Variants in CKAP5 observed in about 807,000 individuals in gnomAD.
CKAP5 encodes cytoskeleton-associated protein 5.
In CKAP5, 27 loss-of-function variants were observed where a neutral mutation model predicts 232.8. The observed-to-expected ratio is 0.12, with a 90% confidence interval of 0.09 to 0.16. CKAP5 has a LOEUF of 0.16. CKAP5 is among the 10% of genes least tolerant of loss of function. The probability of loss-of-function intolerance (pLI) is 1.00; values close to 1 mark genes in which losing one functional copy is unlikely to be tolerated. For missense variants in CKAP5, 1,838 were observed against 2,424.7 expected (o/e 0.76, Z 5.08); for synonymous variants, 785 against 841.1 (o/e 0.93, Z 1.16).
At chr11:46,832,670 C>T (rs1418283032) in intron 1 of CKAP5, among the ~76,000 whole-genome samples, 1 of 152,198 alleles carries the variant, frequency 6.6e-6, no homozygotes, top group Non-Finnish European at 1.5e-5. Context: ...TCCTTAAAAC[C>T]TTGAAGTTGA....
intron 4 of CKAP5, among the ~76,000 whole-genome samples, chr11:46,814,311 T>C: frequency 6.6e-6 from 1 of 152,108 alleles, no homozygotes. Context: ...CTTACTATAT[T>C]GTAATAGGCT....
intron 16 of CKAP5, 70 bp from the exon 17 acceptor site, chr11:46,784,743 G>T: frequency 8.9e-7 from 1 of 1,127,606 alleles, no homozygotes; most frequent in Non-Finnish European, 1.3e-6. Flanking sequence ...TGTATTAACA[G>T]CATGTAACAG....
chr11:46,769,906 T>C (rs1011521421), intron 26 of CKAP5, 57 bp downstream of exon 26: 5 of 1,579,958 alleles, frequency 3.2e-6, no homozygotes, highest in Non-Finnish European at 4.3e-6. Flanking sequence ...CTGAATGTCT[T>C]TTTAGAGTTC....
intron 25 of CKAP5, 76 bp downstream of exon 25, chr11:46,770,712 A>G: frequency 1.5e-6 from 2 of 1,372,560 alleles, no homozygotes; most frequent in Non-Finnish European, 2.0e-6. Context: ...TACAGGCGTG[A>G]GCCACCGTGC....
At chr11:46,766,366 T>C (rs1045267447) in intron 27 of CKAP5, among the ~76,000 whole-genome samples, 1 of 152,168 alleles carries the variant, frequency 6.6e-6, no homozygotes, top group Admixed American at 6.5e-5. Flanking sequence ...CTTGTTAAAT[T>C]TGGGATGAGG....
chr11:46,775,489 T>G (rs2065282955), intron 24 of CKAP5, among the ~76,000 whole-genome samples: 1 of 152,204 alleles, frequency 6.6e-6, no homozygotes. Context: ...CCCAAAAGAT[T>G]ATAAATCATT....
At chr11:46,755,753 A>G (rs1481150530) in intron 35 of CKAP5, among the ~76,000 whole-genome samples, 1 of 151,318 alleles carries the variant, frequency 6.6e-6, no homozygotes, top group East Asian at 2.0e-4. Context: ...ACATGGTGAA[A>G]CCCCATCTCT....
At chr11:46,756,081 T>C (rs2065108927) in intron 35 of CKAP5, among the ~76,000 whole-genome samples, 1 of 152,168 alleles carries the variant, frequency 6.6e-6, no homozygotes, top group Non-Finnish European at 1.5e-5. Context: ...ACTCAAAAAC[T>C]CAGCTTTCTC....
At chr11:46,779,335 G>T (rs964852392) in intron 20 of CKAP5, among the ~76,000 whole-genome samples, 1 of 152,148 alleles carries the variant, frequency 6.6e-6, no homozygotes, top group African/African-American at 2.4e-5. Context: ...GTTTTGCCAT[G>T]TTGGCCAGGC....
chr11:46,825,982 T>C (rs1309026689), intron 1 of CKAP5, among the ~76,000 whole-genome samples: 1 of 152,056 alleles, frequency 6.6e-6, no homozygotes, highest in Non-Finnish European at 1.5e-5. Context: ...AAAAAAAAAC[T>C]CACTGTCTCC....
intron 13 of CKAP5, among the ~76,000 whole-genome samples, chr11:46,793,416 A>G (rs1033681020): frequency 5.4e-4 from 82 of 152,360 alleles, no homozygotes; most frequent in African/African-American, 1.9e-3. Flanking sequence ...CACAGGACAC[A>G]TGCTCATTAA....
intron 1 of CKAP5, 40 bp from the exon 2 acceptor site, chr11:46,821,308 A>T (rs1939519010): frequency 1.1e-6 from 1 of 929,974 alleles, no homozygotes; most frequent in Admixed American, 2.1e-5. Flanking sequence ...GCAACCAGGC[A>T]GTCTCTTAAG....
chr11:46,756,445 T>C (rs924526040), intron 35 of CKAP5, among the ~76,000 whole-genome samples: 1 of 152,222 alleles, frequency 6.6e-6, no homozygotes, highest in Non-Finnish European at 1.5e-5. Context: ...GGAACTCTTT[T>C]ATCCTGAATC....
In CKAP5 at chr11:46,802,553, G is replaced by GAGACACACAC. The variant is rs1555165924; in HGVS notation, c.979-1250_979-1249insGTGTGTGTCT. Among the ~76,000 whole-genome samples, 771 of 142,542 alleles carry GAGACACACAC rather than the reference G, an allele frequency of 5.4e-3. 13 individuals are homozygous for GAGACACACAC. The highest frequency in any genetic ancestry group is 0.02 in the African/African-American group (723 of 36,528). 93.5% of individuals were successfully genotyped at this position (142,542 alleles called of 152,430 possible). A position where few individuals can be genotyped will look rare whatever the true frequency, so the allele number is the denominator to read the frequency against. ...AGCAAGACAGACAGACAGACAGACA[G>GAGACACACAC]ACAGACACACACACACACACACACA... On this transcript the variant is annotated intron_variant, in intron 8 of 43. Coordinates refer to ENST00000529230, the MANE Select transcript of CKAP5 (RefSeq NM_001008938.4).
chr11:46,801,561 T>A (rs914621779), intron 8 of CKAP5, among the ~76,000 whole-genome samples: 3 of 151,882 alleles, frequency 2.0e-5, no homozygotes, highest in Non-Finnish European at 4.4e-5. Flanking sequence ...TCCCAGCTAT[T>A]TGGAAGGCTG....
chr11:46,773,828 T>TCA (rs2065269703), intron 24 of CKAP5, among the ~76,000 whole-genome samples: 1 of 152,022 alleles, frequency 6.6e-6, no homozygotes, highest in South Asian at 2.1e-4. Flanking sequence ...CAGGCATGAG[T>TCA]CACTGCACCC....
chr11:46,762,530 T>G, intron 31 of CKAP5, 97 bp downstream of exon 31: 1 of 1,429,834 alleles, frequency 7.0e-7, no homozygotes, highest in Non-Finnish European at 9.9e-7. Context: ...ATCAACTACA[T>G]AGGCACTGGA....
intron 38 of CKAP5, among the ~76,000 whole-genome samples, chr11:46,752,221 C>CACACACACACAT (rs1555160701): frequency 1.4e-4 from 19 of 134,886 alleles, no homozygotes; most frequent in African/African-American, 4.4e-4. Context: ...CACACACACA[C>CACACACACACAT]ACACACACAC....
At position 46,789,992 on chromosome 11, in the gene CKAP5, T is replaced by C. The variant is rs1938673305; in HGVS notation, c.1875+84A>G. ...GTTCACCGGTTATAAAACACAGCAA[T>C]TAGGACAAATCCTTCATTCATCAAT... On this transcript the variant is annotated intron_variant, in intron 15 of 43. Transcript: ENST00000529230. 52 of 878,584 alleles carry C rather than the reference T, an allele frequency of 5.9e-5. 2 individuals are homozygous for C. The South Asian group carries it at 7.9e-4, about 13-fold the overall frequency. 54.4% of individuals were successfully genotyped at this position (878,584 alleles called of 1,614,324 possible). A position where few individuals can be genotyped will look rare whatever the true frequency, so the allele number is the denominator to read the frequency against.
Sources: allele counts gnomAD v4.1 joint callset (sites outside exome capture counted in the v4.1 genomes callset), GRCh38; gene constraint gnomAD v4.1.1; transcripts MANE v1.5; gene names NCBI Gene and HGNC (gene_info 2026-07-23, HGNC 2026-07-21).